The following MAGI1 variants were observed in gnomAD, a reference collection of about 807,000 sequenced individuals.
MAGI1 encodes the protein membrane-associated guanylate kinase, WW and PDZ domain-containing protein 1.
MAGI1 carries 58 observed loss-of-function variants against 139.9 expected under a neutral mutation model. The ratio of observed to expected loss-of-function variants is 0.41; its 90% CI spans 0.34 to 0.52. The LOEUF (loss-of-function observed/expected upper bound fraction) is 0.52, where lower values mean the gene tolerates loss of function less well. MAGI1 is among the 20% of genes least tolerant of loss of function. The pLI, the probability that MAGI1 is intolerant of heterozygous loss-of-function variation, is 0.12. For missense variants in MAGI1, 1,874 were observed against 1,901.6 expected (o/e 0.99, Z 0.27); for synonymous variants, 812 against 737.9 (o/e 1.10, Z -1.63).
intron 2 of MAGI1, among the ~76,000 whole-genome samples, chr3:65,547,981 G>A (rs1269573754): frequency 6.6e-6 from 1 of 152,152 alleles, no homozygotes; most frequent in Admixed American, 6.5e-5. Context: ...CAAATGAGGA[G>A]TAAATGAAGT....
At position 65,528,892 on chromosome 3, in the gene MAGI1, T is replaced by C. The variant is rs115135169; in HGVS notation, c.431-35261A>G. Among the ~76,000 whole-genome samples, 489 of 152,114 alleles carry C rather than the reference T, an allele frequency of 3.2e-3. 1 individual carries two copies. The highest frequency in any genetic ancestry group is 0.011 in the African/African-American group (457 of 41,486). ...GAGAACTTGTCCCTACAAAAAAATT[T>C]AAAAATTAGCCAAGCATTGTGGCAC... On this transcript the variant is annotated intron_variant, in intron 2 of 22. Transcript: ENST00000402939.
At chr3:65,401,372 T>TCCCCCCCCCCCCCCCCCCC in intron 13 of MAGI1, 67 bp downstream of exon 13, 1 of 778,310 alleles carries the variant, frequency 1.3e-6, no homozygotes, top group Middle Eastern at 3.9e-4. Context: ...CAGAGTACCC[T>TCCCCCCCCCCCCCCCCCCC]CCCACCTCCA....
intron 1 of MAGI1, among the ~76,000 whole-genome samples, chr3:65,784,516 G>A (rs2643733): frequency 0.2 from 29,653 of 152,034 alleles, 3,115 homozygotes; most frequent in South Asian, 0.38. Flanking sequence ...AGGAGATGAA[G>A]ATCACGGTGA....
At chr3:65,361,002 C>A (rs1360125840) in intron 22 of MAGI1, 197 bp downstream of exon 22, 1 of 1,460,904 alleles carries the variant, frequency 6.8e-7, no homozygotes, top group Non-Finnish European at 9.0e-7. Flanking sequence ...AGGCCATGCC[C>A]CAGTCCACGT....
At chr3:65,724,749 G>A (rs2033416658) in intron 1 of MAGI1, among the ~76,000 whole-genome samples, 1 of 152,124 alleles carries the variant, frequency 6.6e-6, no homozygotes, top group Non-Finnish European at 1.5e-5. Context: ...GGCGGAAGGG[G>A]AAGCAAACAT....
chr3:65,634,637 C>T (rs544024420), intron 1 of MAGI1, among the ~76,000 whole-genome samples: 25 of 152,232 alleles, frequency 1.6e-4, no homozygotes, highest in Middle Eastern at 3.4e-3. Context: ...AACGCAATAT[C>T]CAGTATAACA....
In MAGI1 at chr3:65,384,780, G is replaced by GGTGTGT. The variant is rs3072935; in HGVS notation, c.2417-1163_2417-1158dup. Among the ~76,000 whole-genome samples, 484 of 147,928 alleles carry GGTGTGT rather than the reference G, an allele frequency of 3.3e-3. 1 individual carries two copies. The highest frequency in any genetic ancestry group is 0.01 in the Middle Eastern group (3 of 292). On this transcript the variant is annotated intron_variant, in intron 14 of 22. Coordinates refer to ENST00000402939, the MANE Select transcript of MAGI1 (RefSeq NM_001033057.2). ...CAAACAAATAAATAATATAGGAAGG[G>GGTGTGT]GTGTGTGTGTGTGTGTGTGTGTGTG...
intron 1 of MAGI1, chr3:65,687,724 G>A (rs922713009): frequency 1.1e-5 from 6 of 536,232 alleles, no homozygotes; most frequent in East Asian, 5.2e-5. Flanking sequence ...AAACAAAGTC[G>A]GGGGAAGCCT....
intron 1 of MAGI1, among the ~76,000 whole-genome samples, chr3:65,728,739 T>C (rs1334792466): frequency 6.6e-6 from 1 of 152,176 alleles, no homozygotes; most frequent in African/African-American, 2.4e-5. Context: ...AAAAATTATT[T>C]TGTCTAGGAC....
At position 65,820,625 on chromosome 3, in the gene MAGI1, A is replaced by G. The variant is rs147395467; in HGVS notation, c.314-198537T>C. Among the ~76,000 whole-genome samples, 101 of 152,262 alleles carry G rather than the reference A, an allele frequency of 6.6e-4. No homozygotes were observed. The East Asian group carries it at 0.011, about 17-fold the overall frequency. ...AGTCTATTCATGCACCCCTCAATGT[A>G]GGTGGATTACCTAGGATTCTTCAGG... is the stretch of plus-strand genomic sequence containing the variant. On this transcript the variant is annotated intron_variant, in intron 1 of 22. Coordinates refer to ENST00000402939, the MANE Select transcript of MAGI1 (RefSeq NM_001033057.2).
chr3:65,795,035 C>A (rs1406138401), intron 1 of MAGI1, among the ~76,000 whole-genome samples: 2 of 152,098 alleles, frequency 1.3e-5, no homozygotes, highest in South Asian at 2.1e-4. Context: ...CAGGTAAAAT[C>A]AAAAACAGTG....
intron 2 of MAGI1, among the ~76,000 whole-genome samples, chr3:65,503,261 G>A (rs1189192275): frequency 6.6e-6 from 1 of 152,060 alleles, no homozygotes; most frequent in South Asian, 2.1e-4. Context: ...AAATAAACAC[G>A]AATAAAGAAG....
rs373356165 is a variant in MAGI1, at chr3:65,354,457, T to C, written c.*1921A>G. 6.6e-6 allele frequency: 1 copy of C among 152,648 alleles called. No homozygotes were observed. The highest frequency in any genetic ancestry group is 1.5e-5 in the Non-Finnish European group (1 of 68,038). The allele number at this position is 152,648 out of a possible 1,614,324, so 9.5% of individuals were successfully genotyped here. A position where few individuals can be genotyped will look rare whatever the true frequency, so the allele number is the denominator to read the frequency against. ...ATATTTATATATGCATAGTGTTTTA[T>C]AAAAAGATTGGCCCACATACTGCTT... is the stretch of plus-strand genomic sequence containing the variant. On this transcript the variant is annotated 3_prime_UTR_variant, in exon 23 of 23. Transcript: ENST00000402939.
At chr3:65,623,909 T>C (rs2083821655) in intron 1 of MAGI1, among the ~76,000 whole-genome samples, 1 of 152,070 alleles carries the variant, frequency 6.6e-6, no homozygotes, top group Non-Finnish European at 1.5e-5. Flanking sequence ...CATCAAGTAT[T>C]TACTGAATGA....
At chr3:66,009,576 G>A (rs943601411) in intron 1 of MAGI1, among the ~76,000 whole-genome samples, 3 of 152,044 alleles carry the variant, frequency 2.0e-5, no homozygotes, top group Non-Finnish European at 4.4e-5. Context: ...CCTACACAAG[G>A]TAAACTTTCC....
intron 1 of MAGI1, among the ~76,000 whole-genome samples, chr3:65,706,594 G>C (rs2030334819): frequency 6.6e-6 from 1 of 152,212 alleles, no homozygotes; most frequent in Non-Finnish European, 1.5e-5. Flanking sequence ...GCTTGAGGTG[G>C]TTAGGAGTCC....
chr3:65,359,605 C>A, intron 22 of MAGI1: 3 of 995,994 alleles, frequency 3.0e-6, no homozygotes, highest in Non-Finnish European at 3.6e-6. Context: ...CCAATCAAGT[C>A]AGAAAAATAT....
intron 1 of MAGI1, among the ~76,000 whole-genome samples, chr3:65,911,672 T>C (rs1003364688): frequency 2.0e-5 from 3 of 152,190 alleles, no homozygotes; most frequent in Non-Finnish European, 4.4e-5. Context: ...GCATAACCGC[T>C]CTCTCTTCAA....
chr3:65,796,236 GCTATTTTCTTTTAAGT>G (rs796763358), intron 1 of MAGI1, among the ~76,000 whole-genome samples: 69 of 152,184 alleles, frequency 4.5e-4, no homozygotes, highest in African/African-American at 1.3e-3. Flanking sequence ...GTCTTTTAAG[GCTATTTTCTTTTAAGT>G]CTATTTTCTT....
Sources: gnomAD v4.1 joint callset for allele counts (sites outside exome capture counted in the v4.1 genomes callset) on GRCh38, gnomAD v4.1.1 for gene constraint, MANE v1.5 for transcripts, NCBI Gene and HGNC (gene_info 2026-07-23, HGNC 2026-07-21) for gene names.